SPOCK3: variants seen among roughly 807,000 people sequenced by gnomAD.
The protein encoded by SPOCK3 is SPARC (osteonectin), cwcv and kazal like domains proteoglycan 3, also known as testican-3.
In SPOCK3, 30 loss-of-function variants were observed where a neutral mutation model predicts 56.6. The observed-to-expected ratio is 0.53, with a 90% CI of 0.40 to 0.72. The LOEUF (loss-of-function observed/expected upper bound fraction) is 0.72. Ranked by LOEUF, SPOCK3 falls within the 30% of genes least tolerant of loss-of-function variation. The pLI is 0.00. For synonymous variants in SPOCK3, 196 were observed against 183.3 expected (o/e 1.07, Z -0.56); for missense variants, 527 against 530.0 (o/e 0.99, Z 0.06).
At chr4:167,008,547 T>C (rs1419025241) in intron 3 of SPOCK3, among the ~76,000 whole-genome samples, 1 of 152,154 alleles carries the variant, frequency 6.6e-6, no homozygotes, top group Admixed American at 6.5e-5. Flanking sequence ...TCATTTTAGA[T>C]AGTCACATTT....
chr4:166,934,002 T>C (rs1383915827), intron 4 of SPOCK3, among the ~76,000 whole-genome samples: 3 of 152,032 alleles, frequency 2.0e-5, no homozygotes, highest in African/African-American at 4.8e-5. Flanking sequence ...TTTACAAGCA[T>C]CCATAGAATG....
At chr4:166,950,859 C>A (rs1742507412) in intron 4 of SPOCK3, among the ~76,000 whole-genome samples, 1 of 147,828 alleles carries the variant, frequency 6.8e-6, no homozygotes, top group African/African-American at 2.6e-5. Flanking sequence ...GAAATGAAGG[C>A]AGAAATAAAG....
chr4:166,923,499 C>T (rs1224617737), intron 4 of SPOCK3, among the ~76,000 whole-genome samples: 3 of 152,178 alleles, frequency 2.0e-5, no homozygotes, highest in Non-Finnish European at 4.4e-5. Flanking sequence ...AATGGAGTCC[C>T]TAGTTTGGAG....
At chr4:166,789,463 AC>A (rs1461202509) in intron 7 of SPOCK3, among the ~76,000 whole-genome samples, 1 of 151,962 alleles carries the variant, frequency 6.6e-6, no homozygotes, top group Non-Finnish European at 1.5e-5. Flanking sequence ...AAAACCAAAA[AC>A]AAAAACACCC....
At chr4:167,116,651 C>CGTATATACTATATACGTATATATATAA (rs1561233875) in intron 2 of SPOCK3, among the ~76,000 whole-genome samples, 1 of 81,462 alleles carries the variant, frequency 1.2e-5, no homozygotes, top group Non-Finnish European at 2.2e-5. Context: ...TATATATATA[C>CGTATATACTATATACGTATATATATAA]ACATATATAC....
intron 4 of SPOCK3, among the ~76,000 whole-genome samples, 199 bp from the exon 5 acceptor site, chr4:166,912,942 G>C (rs1211986369): frequency 6.6e-6 from 1 of 151,942 alleles, no homozygotes; most frequent in Non-Finnish European, 1.5e-5. Flanking sequence ...GCTTGCCTCT[G>C]ATAAAAAAGA....
chr4:166,740,988 A>G (rs1180533215), intron 9 of SPOCK3, among the ~76,000 whole-genome samples: 1 of 152,214 alleles, frequency 6.6e-6, no homozygotes, highest in East Asian at 1.9e-4. Flanking sequence ...GGGCACTGAA[A>G]CAAAGATTTG....
intron 6 of SPOCK3, among the ~76,000 whole-genome samples, chr4:166,875,987 C>CCAGT (rs1733040301): frequency 2.0e-5 from 3 of 151,888 alleles, no homozygotes; most frequent in South Asian, 4.2e-4. Flanking sequence ...GCAACAGGAG[C>CCAGT]CCAGTGGAAG....
At chr4:167,171,820 CTT>C (rs2150468117) in intron 2 of SPOCK3, among the ~76,000 whole-genome samples, 1 of 151,582 alleles carries the variant, frequency 6.6e-6, no homozygotes, top group South Asian at 2.1e-4. Context: ...TTTATATTCT[CTT>C]GTACATGGGA....
At chr4:167,109,836 C>A (rs921474240) in intron 2 of SPOCK3, among the ~76,000 whole-genome samples, 5 of 151,230 alleles carry the variant, frequency 3.3e-5, no homozygotes, top group Non-Finnish European at 7.4e-5. Context: ...GAAAATAAAC[C>A]AAATAGTATA....
At chr4:166,850,607 C>G (rs949166083) in intron 6 of SPOCK3, among the ~76,000 whole-genome samples, 1 of 152,194 alleles carries the variant, frequency 6.6e-6, no homozygotes, top group Non-Finnish European at 1.5e-5. Flanking sequence ...TCACTGGGTG[C>G]GTGCACCGTG....
chr4:167,060,324 G>C lies in SPOCK3; in HGVS notation c.235+2168C>G, dbSNP rs959941425. ...AAAAAAAGAAAAAACAAACAAAAAA[G>C]AAAATAATACTTGAAGGAAGAGTCT... is the stretch of plus-strand genomic sequence containing the variant. On this transcript the variant is annotated intron_variant, in intron 3 of 10. Transcript: ENST00000357545. Among the ~76,000 whole-genome samples, 37 of 146,334 alleles carry C rather than the reference G, an allele frequency of 2.5e-4. No homozygotes were observed. In the East Asian group the frequency reaches 6.7e-3, roughly 27 times the overall value.
intron 2 of SPOCK3, among the ~76,000 whole-genome samples, chr4:167,116,909 G>GTATCTATATATATATA (rs1446671235): frequency 1.6e-5 from 2 of 123,518 alleles, no homozygotes; most frequent in Admixed American, 8.6e-5. Flanking sequence ...TTGTGTGTGT[G>GTATCTATATATATATA]TGTGTATATA....
At chr4:167,163,215 A>T (rs1252160893) in intron 2 of SPOCK3, among the ~76,000 whole-genome samples, 2 of 143,016 alleles carry the variant, frequency 1.4e-5, no homozygotes, top group East Asian at 2.0e-4. Flanking sequence ...AATCCTCATC[A>T]TGTTAAATAT....
intron 6 of SPOCK3, among the ~76,000 whole-genome samples, chr4:166,872,919 G>A (rs1056500845): frequency 5.9e-5 from 9 of 152,102 alleles, no homozygotes; most frequent in East Asian, 1.9e-4. Context: ...TGTGTAAAGC[G>A]ATCACCTGGT....
At chr4:167,055,199 G>T (rs1754663637) in intron 3 of SPOCK3, among the ~76,000 whole-genome samples, 1 of 152,024 alleles carries the variant, frequency 6.6e-6, no homozygotes, top group South Asian at 2.1e-4. Context: ...ATCTAATATG[G>T]ATGTCCATAA....
At chr4:167,229,512 T>C (rs552268276) in intron 2 of SPOCK3, among the ~76,000 whole-genome samples, 1 of 152,116 alleles carries the variant, frequency 6.6e-6, no homozygotes, top group Non-Finnish European at 1.5e-5. Context: ...CGAGAATCTT[T>C]ACCCCTCTGT....
At chr4:166,737,754 G>T in intron 9 of SPOCK3, 150 bp from the exon 10 acceptor site, 1 of 819,814 alleles carries the variant, frequency 1.2e-6, no homozygotes, top group Non-Finnish European at 1.8e-6. Flanking sequence ...TACCAGTGAT[G>T]CCTTAGAAGA....
chr4:167,070,232 A>G (rs1267518072), intron 2 of SPOCK3, among the ~76,000 whole-genome samples: 5 of 151,958 alleles, frequency 3.3e-5, no homozygotes, highest in African/African-American at 1.2e-4. Flanking sequence ...GAAAGATCCT[A>G]CTTTTTCCCA....
Sources: allele counts gnomAD v4.1 joint callset (sites outside exome capture counted in the v4.1 genomes callset), GRCh38; gene constraint gnomAD v4.1.1; transcripts MANE v1.5; gene names NCBI Gene and HGNC (gene_info 2026-07-23, HGNC 2026-07-21).